CYTH3: variants seen among roughly 807,000 people sequenced by gnomAD.
CYTH3 encodes cytohesin 3.
In CYTH3, 23 loss-of-function variants were observed where a neutral mutation model predicts 55.1. The ratio of observed to expected loss-of-function variants is 0.42; its 90% CI spans 0.30 to 0.59. The LOEUF is 0.59. Ranked by LOEUF, CYTH3 falls within the 20% of genes least tolerant of loss-of-function variation. The pLI, the probability that CYTH3 is intolerant of heterozygous loss-of-function variation, is 0.20. For synonymous variants in CYTH3, 249 were observed against 194.9 expected (o/e 1.28, Z -2.31); for missense variants, 413 against 524.8 (o/e 0.79, Z 2.08).
At chr7:6,189,196 A>T (rs1783735300) in intron 2 of CYTH3, among the ~76,000 whole-genome samples, 1 of 152,190 alleles carries the variant, frequency 6.6e-6, no homozygotes, top group Non-Finnish European at 1.5e-5. Context: ...CCACGCCGAG[A>T]CGGTGGCTTT....
At chr7:6,194,324 G>A (rs184327041) in intron 1 of CYTH3, among the ~76,000 whole-genome samples, 67 of 152,282 alleles carry the variant, frequency 4.4e-4, no homozygotes, top group East Asian at 4.3e-3. Context: ...GTGATGGCAC[G>A]CATCCGTAGT....
chr7:6,229,648 G>GAAA (rs35933979), intron 1 of CYTH3, among the ~76,000 whole-genome samples: 4 of 108,640 alleles, frequency 3.7e-5, no homozygotes, highest in Non-Finnish European at 3.7e-5. Flanking sequence ...CGTCTCTACT[G>GAAA]AAAAAAAAAA....
intron 1 of CYTH3, among the ~76,000 whole-genome samples, chr7:6,253,083 A>T (rs1780013607): frequency 6.6e-6 from 1 of 152,208 alleles, no homozygotes; most frequent in African/African-American, 2.4e-5. Context: ...GATTTTTAAC[A>T]TATTTACAAT....
At chr7:6,184,584 TTTAC>T (rs1268324818) in intron 4 of CYTH3, among the ~76,000 whole-genome samples, 3 of 152,132 alleles carry the variant, frequency 2.0e-5, no homozygotes, top group African/African-American at 7.2e-5. Context: ...ACTTTATTTA[TTTAC>T]TTATTTTGAG....
chr7:6,206,677 G>C (rs147645293), intron 1 of CYTH3, among the ~76,000 whole-genome samples: 1 of 152,322 alleles, frequency 6.6e-6, no homozygotes, highest in East Asian at 1.9e-4. Flanking sequence ...AAGAAGGGAA[G>C]AATTTCCTGA....
In CYTH3 at chr7:6,228,168, T is replaced by C. The variant is rs1267342587; in HGVS notation, c.35-37637A>G. Among the ~76,000 whole-genome samples, 4 of 152,364 alleles carry C rather than the reference T, an allele frequency of 2.6e-5. No individual in the cohort carries two copies. In the South Asian group the frequency reaches 8.3e-4, roughly 32 times the overall value. On this transcript the variant is annotated intron_variant, in intron 1 of 12. Transcript: ENST00000350796. Reference sequence around the variant, plus strand: ...TTCCTTGATTCTCTATTCCCTTTCATTACCTCCAGCCATTTCTGCTCACCT... The same window carrying C: ...TTCCTTGATTCTCTATTCCCTTTCACTACCTCCAGCCATTTCTGCTCACCT...
At chr7:6,239,335 G>A (rs537894943) in intron 1 of CYTH3, among the ~76,000 whole-genome samples, 4 of 152,186 alleles carry the variant, frequency 2.6e-5, no homozygotes, top group East Asian at 1.9e-4. Context: ...CCACTGCCCC[G>A]TCTCCATCCC....
chr7:6,223,225 C>A (rs1326261332), intron 1 of CYTH3, among the ~76,000 whole-genome samples: 3 of 151,584 alleles, frequency 2.0e-5, no homozygotes, highest in African/African-American at 7.3e-5. Flanking sequence ...CTCGGCCCGG[C>A]CGCCCCATCT....
At chr7:6,191,511 A>T (rs890028303) in intron 1 of CYTH3, among the ~76,000 whole-genome samples, 1 of 152,162 alleles carries the variant, frequency 6.6e-6, no homozygotes, top group Non-Finnish European at 1.5e-5. Context: ...TTAAAAGTAT[A>T]AATGTGAAGG....
At chr7:6,267,153 T>C (rs1780518014) in intron 1 of CYTH3, among the ~76,000 whole-genome samples, 1 of 152,170 alleles carries the variant, frequency 6.6e-6, no homozygotes, top group Non-Finnish European at 1.5e-5. Flanking sequence ...AGTAAAAAGC[T>C]CCCTGAGGCC....
At chr7:6,224,469 C>A (rs1032721370) in intron 1 of CYTH3, among the ~76,000 whole-genome samples, 4 of 152,166 alleles carry the variant, frequency 2.6e-5, no homozygotes, top group African/African-American at 9.7e-5. Flanking sequence ...TAGACCCCTA[C>A]CTTATGCCAT....
rs180752818 is a variant in CYTH3, at chr7:6,205,342, G to A, written c.35-14811C>T. On this transcript the variant is annotated intron_variant, in intron 1 of 12. Coordinates refer to ENST00000350796, the MANE Select transcript of CYTH3 (RefSeq NM_004227.4). ...TAATCCGGAACTTTGGGAGTCCAAGGTGGGCAGATCACCTGAGGTCAGGAG... is the reference window on the plus strand; with the variant it reads ...TAATCCGGAACTTTGGGAGTCCAAGATGGGCAGATCACCTGAGGTCAGGAG... Among the ~76,000 whole-genome samples the A allele has an allele frequency of 2.4e-3, 360 of 152,266 alleles. 2 individuals carry two copies. The highest frequency in any genetic ancestry group is 6.8e-3 in the Middle Eastern group (2 of 294).
At chr7:6,188,920 T>A (rs1334356437) in intron 2 of CYTH3, 1 of 152,186 alleles carries the variant, frequency 6.6e-6, no homozygotes, top group East Asian at 1.9e-4. Flanking sequence ...GAATTACCTT[T>A]CAAATACAAA....
At chr7:6,225,678 GA>G (rs1779231751) in intron 1 of CYTH3, among the ~76,000 whole-genome samples, 1 of 142,100 alleles carries the variant, frequency 7.0e-6, no homozygotes, top group Non-Finnish European at 1.5e-5. Context: ...TTTTTTTGAA[GA>G]ATTTTTTTTT....
intron 1 of CYTH3, among the ~76,000 whole-genome samples, chr7:6,262,643 G>A (rs953675466): frequency 1.3e-5 from 2 of 152,216 alleles, no homozygotes; most frequent in East Asian, 3.8e-4. Context: ...CTTGAGGCCA[G>A]TAGTTCAACA....
At chr7:6,256,848 C>A (rs1372504448) in intron 1 of CYTH3, among the ~76,000 whole-genome samples, 1 of 152,234 alleles carries the variant, frequency 6.6e-6, no homozygotes, top group African/African-American at 2.4e-5. Context: ...CCTCTGAGAG[C>A]TGTCATCAAG....
intron 1 of CYTH3, among the ~76,000 whole-genome samples, chr7:6,237,342 A>C (rs1286377311): frequency 6.6e-6 from 1 of 152,248 alleles, no homozygotes; most frequent in Non-Finnish European, 1.5e-5. Context: ...CTGAGAAAAT[A>C]AATCTACTAC....
chr7:6,174,539 G>GTTTTTTTT (rs760279977), intron 5 of CYTH3, among the ~76,000 whole-genome samples: 1 of 89,792 alleles, frequency 1.1e-5, no homozygotes, highest in African/African-American at 5.2e-5. Flanking sequence ...CTCCTTGTGG[G>GTTTTTTTT]TTTTTTTTTT....
At chr7:6,251,773 AT>A (rs1445728732) in intron 1 of CYTH3, among the ~76,000 whole-genome samples, 24 of 152,340 alleles carry the variant, frequency 1.6e-4, no homozygotes, top group African/African-American at 5.8e-4. Flanking sequence ...AGGCCTGTCC[AT>A]AAAATCAAAT....
Sources: gnomAD v4.1 joint callset for allele counts (sites outside exome capture counted in the v4.1 genomes callset) on GRCh38, gnomAD v4.1.1 for gene constraint, MANE v1.5 for transcripts, NCBI Gene and HGNC (gene_info 2026-07-23, HGNC 2026-07-21) for gene names.